Variants in KMT2C observed in about 807,000 individuals in gnomAD.
KMT2C encodes the protein lysine methyltransferase 2C, also known as histone-lysine N-methyltransferase 2C.
KMT2C carries 88 observed loss-of-function variants against 507.9 expected under a neutral mutation model. The ratio of observed to expected loss-of-function variants is 0.17; its 90% CI spans 0.15 to 0.21. KMT2C has a LOEUF of 0.21. Ranked by LOEUF, KMT2C falls within the 10% of genes least tolerant of loss-of-function variation. The probability of loss-of-function intolerance (pLI) is 1.00; values close to 1 mark genes in which losing one functional copy is unlikely to be tolerated. For missense variants in KMT2C, 4,954 were observed against 5,957.8 expected (o/e 0.83, Z 5.55); for synonymous variants, 2,049 against 2,080.8 (o/e 0.98, Z 0.42).
chr7:152,232,626 G>A (rs957219948), intron 16 of KMT2C, among the ~76,000 whole-genome samples: 2 of 151,840 alleles, frequency 1.3e-5, no homozygotes, highest in African/African-American at 4.8e-5. Flanking sequence ...AGTTAGTAAT[G>A]GTAAATTCTG....
chr7:152,352,463 T>TC (rs2097121464), intron 2 of KMT2C, among the ~76,000 whole-genome samples: 2 of 152,052 alleles, frequency 1.3e-5, no homozygotes. Flanking sequence ...ATATACTCCC[T>TC]CCCCTTTGAA....
rs529129229 is a variant in KMT2C at position 152,174,803 on chromosome 7, T to G, written c.9263-561A>C. Among the ~76,000 whole-genome samples, 12 of 152,330 alleles carry G rather than the reference T, an allele frequency of 7.9e-5. No homozygotes were observed. The South Asian group carries it at 2.5e-3, about 32-fold the overall frequency. On this transcript the variant is annotated intron_variant, in intron 38 of 58. Transcript: ENST00000262189. The stretch of plus-strand genomic sequence containing the variant: ...GCTTAGACACGTGCCCTTTGATTGC[T>G]AATTCTTATTCTTAGAGGCACTGAG...
At chr7:152,146,795 G>C in intron 52 of KMT2C, 60 bp from the exon 53 acceptor site, 1 of 1,438,302 alleles carries the variant, frequency 7.0e-7, no homozygotes, top group Non-Finnish European at 9.6e-7. Context: ...AAAAACAAGA[G>C]CAAAATGAAG....
intron 1 of KMT2C, among the ~76,000 whole-genome samples, chr7:152,425,279 AT>A (rs1180845801): frequency 7.2e-5 from 11 of 152,200 alleles, no homozygotes; most frequent in Non-Finnish European, 1.5e-4. Context: ...AAAGTCTAAT[AT>A]AAGAAACACT....
rs766599173 is a variant in KMT2C at position 152,309,984 on chromosome 7, A to G, written c.831T>C (p.Val277=). ...TACTTACTTCTGTGCTCCCTGAGAC[A>G]ACAGCTTTGTCCACGTTCACTAACA... ...EPLLVNVDKA[V]VSGSTERCAF... The change falls in exon 6 of 59, where the codon GTT becomes GTC. Residue 277 remains valine (V), a synonymous_variant. Transcript: ENST00000262189. The G allele has an allele frequency of 4.3e-6, 7 of 1,610,274 alleles. No individual in the cohort carries two copies. In the South Asian group the frequency reaches 5.5e-5, roughly 13 times the overall value.
intron 9 of KMT2C, among the ~76,000 whole-genome samples, chr7:152,255,120 T>TATATATATATAC (rs2095629760): frequency 2.9e-5 from 3 of 103,024 alleles, no homozygotes; most frequent in African/African-American, 6.1e-5. Flanking sequence ...TATATATATA[T>TATATATATATAC]ATATATATAT....
intron 1 of KMT2C, among the ~76,000 whole-genome samples, chr7:152,389,373 T>A (rs1220515926): frequency 1.7e-4 from 22 of 127,440 alleles, no homozygotes; most frequent in Admixed American, 6.1e-4. Flanking sequence ...AAAAAAAAAA[T>A]ACTGTCACTT....
chr7:152,180,664 C>A (rs2129118900), intron 36 of KMT2C, 47 bp downstream of exon 36: 2 of 1,372,328 alleles, frequency 1.5e-6, no homozygotes, highest in Non-Finnish European at 1.0e-6. Flanking sequence ...AAATGAACAG[C>A]TTCCTCAAAT....
rs1300630561 is a variant in KMT2C, at chr7:152,205,143, T to C, written c.3924A>G (p.Ser1308=). The C allele has an allele frequency of 6.2e-7, 1 of 1,612,572 alleles. No individual in the cohort carries two copies. Among genetic ancestry groups the C allele is most frequent in the South Asian group, 1.1e-5 (1 of 91,042 alleles). Residue 1308 remains serine (S), a synonymous_variant, in exon 25 of 59, where the codon TCA becomes TCG. Coordinates refer to ENST00000262189, the MANE Select transcript of KMT2C (RefSeq NM_170606.3). Reference sequence around the variant, plus strand: ...AAGGTAACTGCTCGGAAATAGAGCCTGAGGAATCTTTTCTGATCACAGATC... The same window carrying C: ...AAGGTAACTGCTCGGAAATAGAGCCCGAGGAATCTTTTCTGATCACAGATC... ...TKRSVIRKDS[S]GSISEQLPCR... is the part of the protein sequence containing the mutation.
At chr7:152,316,738 G>T (rs1302041869) in intron 3 of KMT2C, among the ~76,000 whole-genome samples, 5 of 151,460 alleles carry the variant, frequency 3.3e-5, no homozygotes, top group Non-Finnish European at 7.4e-5. Flanking sequence ...AATTAGCTTT[G>T]TTTTTGTAAT....
chr7:152,432,928 C>T (rs1454888201), intron 1 of KMT2C, among the ~76,000 whole-genome samples: 1 of 151,436 alleles, frequency 6.6e-6, no homozygotes, highest in Non-Finnish European at 1.5e-5. Flanking sequence ...GAGTGGATTA[C>T]CTGAGGTCGG....
At chr7:152,259,020 T>C (rs1430821740) in intron 9 of KMT2C, among the ~76,000 whole-genome samples, 1 of 152,178 alleles carries the variant, frequency 6.6e-6, no homozygotes, top group Non-Finnish European at 1.5e-5. Context: ...ACCCTGAGGA[T>C]GGATCAGTAC....
At chr7:152,353,463 C>T (rs541269683) in intron 2 of KMT2C, among the ~76,000 whole-genome samples, 14 of 152,224 alleles carry the variant, frequency 9.2e-5, no homozygotes, top group African/African-American at 3.1e-4. Context: ...TACTCATTCC[C>T]ATCCACCCAC....
intron 6 of KMT2C, among the ~76,000 whole-genome samples, chr7:152,276,772 A>G (rs1480711621): frequency 2.6e-5 from 4 of 152,006 alleles, no homozygotes; most frequent in Non-Finnish European, 5.9e-5. Context: ...AAAAAAAAAA[A>G]GGCCCTTAAA....
At chr7:152,168,171 T>C (rs777013460) in intron 41 of KMT2C, among the ~76,000 whole-genome samples, 4 of 151,814 alleles carry the variant, frequency 2.6e-5, no homozygotes, top group Non-Finnish European at 5.9e-5. Flanking sequence ...TCATCGTATG[T>C]AGTGAAATTC....
At chr7:152,183,396 G>A (rs892413267) in intron 34 of KMT2C, among the ~76,000 whole-genome samples, 1 of 152,098 alleles carries the variant, frequency 6.6e-6, no homozygotes, top group African/African-American at 2.4e-5. Flanking sequence ...AAAGATCCTA[G>A]GTGTGATTTA....
intron 1 of KMT2C, among the ~76,000 whole-genome samples, chr7:152,427,785 A>T (rs2097833311): frequency 6.6e-6 from 1 of 152,122 alleles, no homozygotes. Context: ...ACTTATCCTA[A>T]TCGATTCCTC....
At chr7:152,387,642 T>C (rs1275987709) in intron 1 of KMT2C, among the ~76,000 whole-genome samples, 1 of 152,212 alleles carries the variant, frequency 6.6e-6, no homozygotes, top group Non-Finnish European at 1.5e-5. Context: ...GGCTAATTTT[T>C]TGTATTTTTT....
rs182599143 is a variant in KMT2C at position 152,264,888 on chromosome 7, A to C, written c.1184+150T>G. On this transcript the variant is annotated intron_variant, in intron 8 of 58. Coordinates refer to ENST00000262189, the MANE Select transcript of KMT2C (RefSeq NM_170606.3). ...ATATATACTGGATAAATGTTATAAT[A>C]TCCAGTAATTTTTTTAAGTATGATG... 2.1e-5 allele frequency: 14 copies of C among 652,784 alleles called. No individual in the cohort carries two copies. The East Asian group carries it at 6.3e-4, about 29-fold the overall frequency. 40.4% of individuals were successfully genotyped at this position (652,784 alleles called of 1,614,324 possible).
Sources: allele counts gnomAD v4.1 joint callset (sites outside exome capture counted in the v4.1 genomes callset), GRCh38; gene constraint gnomAD v4.1.1; transcripts MANE v1.5; gene names NCBI Gene and HGNC (gene_info 2026-07-23, HGNC 2026-07-21).